The following SCAMP3 variants were observed in gnomAD, a reference collection of about 807,000 sequenced individuals.
The protein encoded by SCAMP3 is secretory carrier-associated membrane protein 3.
SCAMP3 carries 30 observed loss-of-function variants against 44.1 expected under a neutral mutation model. The observed-to-expected ratio is 0.68, with a 90% CI of 0.51 to 0.92. The LOEUF (loss-of-function observed/expected upper bound fraction) is 0.92. SCAMP3 is among the 40% of genes least tolerant of loss of function. SCAMP3 has a pLI of 0.00. For synonymous variants in SCAMP3, 168 were observed against 171.1 expected, an observed-to-expected ratio of 0.98 and a Z score of 0.14; for missense variants, 394 against 440.0, an observed-to-expected ratio of 0.90 and a Z score of 0.93.
At chr1:155,259,009 G>C in intron 4 of SCAMP3, 55 bp from the exon 5 acceptor site, 1 of 1,502,298 alleles carries the variant, frequency 6.7e-7, no homozygotes, top group Non-Finnish European at 9.0e-7. Flanking sequence ...GACCAACAAA[G>C]GAATCACTCC....
At chr1:155,261,428 C>T (rs999512365) in intron 2 of SCAMP3, 22 of 578,454 alleles carry the variant, frequency 3.8e-5, no homozygotes, top group Middle Eastern at 2.7e-4. Flanking sequence ...CCTTGCCAGC[C>T]TCCAGATCTT....
chr1:155,260,246 C>A, intron 4 of SCAMP3, 84 bp downstream of exon 4: 1 of 1,546,366 alleles, frequency 6.5e-7, no homozygotes, highest in Non-Finnish European at 8.8e-7. Context: ...GTGTGAGCCA[C>A]CGCACCCAGC....
intron 2 of SCAMP3, 32 bp from the exon 3 acceptor site, chr1:155,260,691 G>T (rs1490922468): frequency 6.4e-7 from 1 of 1,573,358 alleles, no homozygotes; most frequent in Non-Finnish European, 8.6e-7. Context: ...TGATCATCTA[G>T]TCCCTCATAA....
At position 155,260,317 on chromosome 1, in the gene SCAMP3, C is replaced by G; in HGVS notation, c.388+13G>C. On this transcript the variant is annotated intron_variant, in intron 4 of 8. Transcript: ENST00000302631. ...CCAAACTCTCAGATGCTCTTCCCCACTCTATTACTTACTAGCTGTGCCCCC... is the reference window on the plus strand; with the variant it reads ...CCAAACTCTCAGATGCTCTTCCCCAGTCTATTACTTACTAGCTGTGCCCCC... 15 of 1,609,238 alleles carry G rather than the reference C, an allele frequency of 9.3e-6. No homozygotes were observed. Among genetic ancestry groups the G allele is most frequent in the Non-Finnish European group, 1.1e-5 (13 of 1,179,950 alleles).
Position 155,261,737 on chromosome 1 carries a change from G to A in SCAMP3, c.67-3C>T, listed in dbSNP as rs1393392533. ...CGGTGCTGGATCACAGCTGGGTCCTGAGGGCAGAGACCCGGGTCTCAGCTG... is the reference window on the plus strand; with the variant it reads ...CGGTGCTGGATCACAGCTGGGTCCTAAGGGCAGAGACCCGGGTCTCAGCTG... On this transcript the variant is annotated splice_region_variant and splice_polypyrimidine_tract_variant and intron_variant, in intron 1 of 8. Transcript: ENST00000302631. 6.2e-7 allele frequency: 1 copy of A among 1,613,590 alleles called. No individual in the cohort carries two copies. The highest frequency in any genetic ancestry group is 1.3e-5 in the African/African-American group (1 of 74,900).
At position 155,257,510 on chromosome 1, in the gene SCAMP3, T is replaced by A; in HGVS notation, c.665A>T (p.Tyr222Phe). The change falls in exon 6 of 9, where the codon TAT becomes TTT. Residue 222 changes from tyrosine to phenylalanine, a missense_variant. Transcript: ENST00000302631. ...CTAACACACTTACCGGAAAGCCTTATACATGGGGCGGTACCAGCAGACAAA... is the reference window on the plus strand; with the variant it reads ...CTAACACACTTACCGGAAAGCCTTAAACATGGGGCGGTACCAGCAGACAAA... ...CSFVCWYRPM[Y>F]KAFRSDSSFN... is the part of the protein sequence containing the mutation. The A allele has an allele frequency of 6.2e-7, 1 of 1,613,436 alleles. No homozygotes were observed. The highest frequency in any genetic ancestry group is 8.5e-7 in the Non-Finnish European group (1 of 1,179,706).
At chr1:155,260,764 C>A (rs1672938118) in intron 2 of SCAMP3, 105 bp from the exon 3 acceptor site, 3 of 1,019,398 alleles carry the variant, frequency 2.9e-6, no homozygotes, top group African/African-American at 3.2e-5. Flanking sequence ...AAGGAAGCAG[C>A]CTTTCCCCCA....
intron 4 of SCAMP3, among the ~76,000 whole-genome samples, chr1:155,259,613 C>T (rs1243946109): frequency 6.6e-6 from 1 of 152,190 alleles, no homozygotes; most frequent in Non-Finnish European, 1.5e-5. Context: ...AACCTGCCTG[C>T]CTCGGCCTCC....
chr1:155,256,676 G>C lies in SCAMP3; in HGVS notation c.895C>G (p.Arg299Gly). The C allele has an allele frequency of 2.5e-6, 4 of 1,613,428 alleles. No individual in the cohort carries two copies. Among genetic ancestry groups the C allele is most frequent in the Non-Finnish European group, 3.4e-6 (4 of 1,179,364 alleles). The change falls in exon 8 of 9, where the codon CGG becomes GGG. Residue 299 changes from arginine to glycine, a missense_variant and splice_region_variant. Physicochemically the swap from Arg to Gly is moderately radical, Grantham distance 125. Coordinates refer to ENST00000302631, the MANE Select transcript of SCAMP3 (RefSeq NM_005698.4). Reference sequence around the variant, plus strand: ...CCCACCTTCGACACAGCCCTCACCCGTTTCAGCATGACAATTCCTAGCACA... The same window carrying C: ...CCCACCTTCGACACAGCCCTCACCCCTTTCAGCATGACAATTCCTAGCACA... ...IAVLGIVMLK[R>G]IHSLYRRTGA...
Position 155,256,343 on chromosome 1 carries a change from T to A in SCAMP3, c.974A>T (p.Asn325Ile). 1 of 1,608,840 alleles carries A rather than the reference T, an allele frequency of 6.2e-7. No individual in the cohort carries two copies. Among genetic ancestry groups the A allele is most frequent in the Non-Finnish European group, 8.5e-7 (1 of 1,176,536 alleles). Residue 325 changes from asparagine to isoleucine, a missense_variant, in exon 9 of 9, where the codon AAC becomes ATC. Asn to Ile is a moderately radical substitution (Grantham distance 149). Coordinates refer to ENST00000302631, the MANE Select transcript of SCAMP3 (RefSeq NM_005698.4). ...GGCAGCTGCGGTTCGCACCGCAGGG[T>A]TGGAGAAGACACCAGCAGCAAATTC... ...QQEFAAGVFS[N>I]PAVRTAAANA... is the part of the protein sequence containing the mutation.
chr1:155,261,620 T>G (rs1178042426), intron 2 of SCAMP3, 37 bp downstream of exon 2: 2 of 1,586,488 alleles, frequency 1.3e-6, no homozygotes, highest in African/African-American at 2.7e-5. Context: ...GGCAAACCCT[T>G]CCCTTCCTTG....
intron 3 of SCAMP3, 25 bp downstream of exon 3, chr1:155,260,512 G>A (rs749273375): frequency 1.9e-6 from 3 of 1,614,094 alleles, no homozygotes; most frequent in Non-Finnish European, 2.5e-6. Context: ...CTTCTCCCCA[G>A]CCCTCACCTG....
rs1442969285 is a variant in SCAMP3, at chr1:155,262,334, G to A, written c.-183C>T. 3 of 598,744 alleles carry A rather than the reference G, an allele frequency of 5.0e-6. No individual in the cohort carries two copies. The Admixed American group carries it at 9.4e-5, about 19-fold the overall frequency. The allele number at this position is 598,744 out of a possible 1,614,324, so 37.1% of individuals were successfully genotyped here. ...CGCAGCAGCCGTGGGTTGCGCCTGCGTCTTGTCCAAAAGCTAAGACGAAAG... is the reference window on the plus strand; with the variant it reads ...CGCAGCAGCCGTGGGTTGCGCCTGCATCTTGTCCAAAAGCTAAGACGAAAG... On this transcript the variant is annotated 5_prime_UTR_variant, in exon 1 of 9. In the 5' UTR this introduces an upstream ATG that the reference lacks. Transcript: ENST00000302631.
Position 155,260,441 on chromosome 1 carries a change from C to T in SCAMP3, c.277G>A (p.Ala93Thr), listed in dbSNP as rs765853273. The change falls in exon 4 of 9, where the codon GCA becomes ACA. Residue 93 changes from alanine to threonine, a missense_variant. Physicochemically the swap from Ala to Thr is moderately conservative, Grantham distance 58. Coordinates refer to ENST00000302631, the MANE Select transcript of SCAMP3 (RefSeq NM_005698.4). The stretch of plus-strand genomic sequence containing the variant: ...TTCAGCAGCTCAGCTGTGGCTGCTG[C>T]AGCTGAGGCCTGCCCAGTGTGAGCA... ...YGSYSTQASA[A>T]AATAELLKKQ... is the part of the protein sequence containing the mutation. The T allele has an allele frequency of 6.2e-6, 10 of 1,614,040 alleles. No individual in the cohort carries two copies. Among genetic ancestry groups the T allele is most frequent in the Middle Eastern group, 3.3e-4 (2 of 6,084 alleles).
rs758742558 is a variant in SCAMP3 at position 155,262,146 on chromosome 1, A to G, written c.6T>C (p.Ala2=). 2.5e-6 allele frequency: 4 copies of G among 1,613,558 alleles called. No individual in the cohort carries two copies. Among genetic ancestry groups the G allele is most frequent in the South Asian group, 1.1e-5 (1 of 91,080 alleles). M[A]QSRDGGNPFA... is the part of the protein sequence containing the mutation. ...ACGGGTTTCCGCCGTCTCTGCTCTG[A>G]GCCATGTTTGCAACTGCGGCCTCCG... Residue 2 remains alanine, a synonymous_variant, in exon 1 of 9, where the codon GCT becomes GCC. Coordinates refer to ENST00000302631, the MANE Select transcript of SCAMP3 (RefSeq NM_005698.4).
At chr1:155,259,186 T>C (rs866979731) in intron 4 of SCAMP3, among the ~76,000 whole-genome samples, 16 of 148,220 alleles carry the variant, frequency 1.1e-4, no homozygotes, top group African/African-American at 2.5e-4. Context: ...TTTTTTTTTT[T>C]CTCCTGAGAT....
intron 4 of SCAMP3, 65 bp from the exon 5 acceptor site, chr1:155,259,019 C>G: frequency 6.9e-7 from 1 of 1,448,924 alleles, no homozygotes; most frequent in East Asian, 2.4e-5. Flanking sequence ...GGAATCACTC[C>G]CCCTTCTCTC....
Position 155,262,173 on chromosome 1 carries a change from G to GGCCCTCT in SCAMP3, c.-29_-23dup. On this transcript the variant is annotated 5_prime_UTR_variant, in exon 1 of 9. Transcript: ENST00000302631. Reference sequence around the variant, plus strand: ...CCATGTTTGCAACTGCGGCCTCCGCGGCCCTCTGCCCTCCACGCCCCTGCC... The same window carrying GGCCCTCT: ...CCATGTTTGCAACTGCGGCCTCCGCGGCCCTCTGCCCTCTGCCCTCCACGCCCCTGCC... The GGCCCTCT allele has an allele frequency of 6.2e-7, 1 of 1,611,052 alleles. No homozygotes were observed. The highest frequency in any genetic ancestry group is 8.5e-7 in the Non-Finnish European group (1 of 1,179,112).
Position 155,257,356 on chromosome 1 carries a change from G to A in SCAMP3, c.708C>T (p.Phe236=), listed in dbSNP as rs1156317431. 5.0e-6 allele frequency: 8 copies of A among 1,613,870 alleles called. No homozygotes were observed. The highest frequency in any genetic ancestry group is 1.6e-4 in the Middle Eastern group (1 of 6,084). Residue 236 remains phenylalanine, a synonymous_variant, in exon 7 of 9, where the codon TTC becomes TTT. Coordinates refer to ENST00000302631, the MANE Select transcript of SCAMP3 (RefSeq NM_005698.4). ...CATCCTGGACGAAGAAAATGAAGAA[G>A]AAAACGAAGAAATTGAATGAACTGT... ...RSDSSFNFFV[F]FFIFFVQDVL...
Sources: allele counts gnomAD v4.1 joint callset (sites outside exome capture counted in the v4.1 genomes callset), GRCh38; gene constraint gnomAD v4.1.1; transcripts MANE v1.5; gene names NCBI Gene and HGNC (gene_info 2026-07-23, HGNC 2026-07-21).